The following WWC2 variants were observed in gnomAD, a reference collection of about 807,000 sequenced individuals.
The protein encoded by WWC2 is WW and C2 domain containing 2.
In WWC2, 101 loss-of-function variants were observed where a neutral mutation model predicts 138.5. That is an observed-to-expected ratio of 0.73 (90% confidence interval 0.62 to 0.86). WWC2 has a LOEUF of 0.86. WWC2 is among the 40% of genes least tolerant of loss of function. The pLI is 0.00. For missense variants in WWC2, 1,420 were observed against 1,419.4 expected (o/e 1.00, Z -0.01); for synonymous variants, 558 against 538.4 (o/e 1.04, Z -0.50).
chr4:183,132,605 T>C (rs578219250), intron 1 of WWC2, among the ~76,000 whole-genome samples: 115 of 151,700 alleles, frequency 7.6e-4, no homozygotes, highest in Non-Finnish European at 1.1e-3. Context: ...AGGCGCCCGC[T>C]ACCACGCCCG....
At chr4:183,184,910 T>C (rs1466686326) in intron 1 of WWC2, among the ~76,000 whole-genome samples, 1 of 151,966 alleles carries the variant, frequency 6.6e-6, no homozygotes, top group Admixed American at 6.5e-5. Flanking sequence ...AGCCATTATC[T>C]GTTTAAATAT....
At chr4:183,226,414 AT>A (rs1736075079) in intron 4 of WWC2, among the ~76,000 whole-genome samples, 1 of 150,850 alleles carries the variant, frequency 6.6e-6, no homozygotes, top group South Asian at 2.1e-4. Flanking sequence ...AAATAGAAAT[AT>A]AGAAATAGAA....
intron 1 of WWC2, among the ~76,000 whole-genome samples, chr4:183,188,066 G>C (rs1734866985): frequency 6.6e-6 from 1 of 152,130 alleles, no homozygotes; most frequent in South Asian, 2.1e-4. Flanking sequence ...TCAAAATATT[G>C]AGTAACTGTT....
At chr4:183,281,630 T>C (rs1017097981) in intron 17 of WWC2, among the ~76,000 whole-genome samples, 6 of 152,200 alleles carry the variant, frequency 3.9e-5, no homozygotes, top group Admixed American at 6.5e-5. Flanking sequence ...TATGTGTGTA[T>C]ATAGAAAACT....
chr4:183,244,839 G>C (rs933512148), intron 5 of WWC2, among the ~76,000 whole-genome samples: 1 of 152,076 alleles, frequency 6.6e-6, no homozygotes, highest in Non-Finnish European at 1.5e-5. Flanking sequence ...ATCAGCACTT[G>C]ATAAGGTTTG....
intron 1 of WWC2, 129 bp downstream of exon 1, chr4:183,099,751 G>A (rs1743103985): frequency 4.1e-6 from 4 of 984,518 alleles, no homozygotes; most frequent in Non-Finnish European, 5.0e-6. Context: ...GGGATGTGGG[G>A]CTGGCTGCTC....
chr4:183,129,547 G>A (rs1172449831), intron 1 of WWC2, among the ~76,000 whole-genome samples: 1 of 152,128 alleles, frequency 6.6e-6, no homozygotes, highest in Non-Finnish European at 1.5e-5. Flanking sequence ...CTTATAACAA[G>A]CCATAATCCA....
At chr4:183,239,937 A>G (rs1445030170) in intron 4 of WWC2, among the ~76,000 whole-genome samples, 2 of 152,228 alleles carry the variant, frequency 1.3e-5, no homozygotes, top group South Asian at 2.1e-4. Flanking sequence ...TGTCCAGCTC[A>G]TAAGAATGTT....
At chr4:183,113,928 C>T (rs1732331133) in intron 1 of WWC2, among the ~76,000 whole-genome samples, 1 of 151,946 alleles carries the variant, frequency 6.6e-6, no homozygotes, top group South Asian at 2.1e-4. Flanking sequence ...GATGTGGGTA[C>T]ATGAGGCTTG....
At chr4:183,304,924 C>A (rs1738973993) in intron 21 of WWC2, among the ~76,000 whole-genome samples, 1 of 152,128 alleles carries the variant, frequency 6.6e-6, no homozygotes, top group Non-Finnish European at 1.5e-5. Context: ...GAACCAGACT[C>A]ACACATGGCA....
chr4:183,187,452 G>T (rs1464092950), intron 1 of WWC2, among the ~76,000 whole-genome samples: 3 of 151,618 alleles, frequency 2.0e-5, no homozygotes, highest in Non-Finnish European at 2.9e-5. Context: ...TACACAGGAG[G>T]CTGAGCAGGA....
intron 1 of WWC2, among the ~76,000 whole-genome samples, chr4:183,110,550 T>C (rs1342521497): frequency 3.3e-5 from 5 of 151,360 alleles, no homozygotes; most frequent in Non-Finnish European, 7.4e-5. Flanking sequence ...AGTCATGCAC[T>C]AACAGAGTTA....
chr4:183,135,349 T>C (rs763208493), intron 1 of WWC2, among the ~76,000 whole-genome samples: 1 of 152,182 alleles, frequency 6.6e-6, no homozygotes, highest in Non-Finnish European at 1.5e-5. Flanking sequence ...GTTGATTGAT[T>C]AGTTTTTCTC....
chr4:183,315,520 A>G (rs1739403799), intron 22 of WWC2, 143 bp from the exon 23 acceptor site: 2 of 551,928 alleles, frequency 3.6e-6, no homozygotes, highest in Non-Finnish European at 3.1e-6. Context: ...CTGATTTTAA[A>G]TGGAGTTCTG....
intron 20 of WWC2, among the ~76,000 whole-genome samples, chr4:183,286,773 C>T (rs1227186432): frequency 6.6e-6 from 1 of 152,124 alleles, no homozygotes; most frequent in Non-Finnish European, 1.5e-5. Context: ...AACTCACACC[C>T]TCAGGAGTCC....
chr4:183,169,640 G>A (rs1734223495), intron 1 of WWC2, among the ~76,000 whole-genome samples: 1 of 151,856 alleles, frequency 6.6e-6, no homozygotes, highest in Non-Finnish European at 1.5e-5. Context: ...ATATGATTTT[G>A]GAATGACCAT....
intron 4 of WWC2, among the ~76,000 whole-genome samples, chr4:183,232,103 A>G (rs1358828498): frequency 6.6e-6 from 1 of 152,198 alleles, no homozygotes; most frequent in Non-Finnish European, 1.5e-5. Flanking sequence ...CGCATCTGAA[A>G]TGGGAAGCCA....
intron 22 of WWC2, among the ~76,000 whole-genome samples, chr4:183,312,733 T>G (rs986157239): frequency 1.3e-5 from 2 of 152,224 alleles, no homozygotes; most frequent in South Asian, 2.1e-4. Context: ...TGGGCTATCT[T>G]GACACAGGAT....
intron 9 of WWC2, among the ~76,000 whole-genome samples, chr4:183,255,578 C>T (rs538329891): frequency 4.7e-4 from 71 of 152,288 alleles, no homozygotes; most frequent in African/African-American, 1.6e-3. Flanking sequence ...TAATGTGCCA[C>T]GTCCATCTCA....
Sources: allele counts gnomAD v4.1 joint callset (sites outside exome capture counted in the v4.1 genomes callset), GRCh38; gene constraint gnomAD v4.1.1; transcripts MANE v1.5; gene names NCBI Gene and HGNC (gene_info 2026-07-23, HGNC 2026-07-21).